ZNF536: variants seen among roughly 807,000 people sequenced by gnomAD.
The protein encoded by ZNF536 is zinc finger protein 536.
In ZNF536, 13 loss-of-function variants were observed where a neutral mutation model predicts 84.5. That is an observed-to-expected ratio of 0.15 (90% confidence interval 0.10 to 0.24). The LOEUF is 0.24. ZNF536 is among the 10% of genes least tolerant of loss of function. The pLI, the probability that ZNF536 is intolerant of heterozygous loss-of-function variation, is 1.00. For missense variants in ZNF536, 1,536 were observed against 1,747.5 expected, an observed-to-expected ratio of 0.88 and a Z score of 2.16; for synonymous variants, 811 against 742.5, an observed-to-expected ratio of 1.09 and a Z score of -1.50.
At chr19:30,648,449 C>G (rs547593609) in intron 1 of ZNF536, among the ~76,000 whole-genome samples, 2 of 152,182 alleles carry the variant, frequency 1.3e-5, no homozygotes, top group African/African-American at 4.8e-5. Flanking sequence ...AGCCTGGCCC[C>G]GATGGCTATC....
chr19:30,500,529 A>C, intron 2 of ZNF536, among the ~76,000 whole-genome samples: 1 of 150,682 alleles, frequency 6.6e-6, no homozygotes, highest in African/African-American at 2.4e-5. Flanking sequence ...CTGGTTCTAG[A>C]CTCTCAGCAG....
At chr19:30,507,441 A>G (rs1199828793) in intron 2 of ZNF536, among the ~76,000 whole-genome samples, 2 of 152,204 alleles carry the variant, frequency 1.3e-5, no homozygotes, top group East Asian at 3.8e-4. Context: ...GATTAAAAAG[A>G]ATGCACTTTA....
chr19:30,496,637 G>T (rs1020279343), intron 2 of ZNF536, among the ~76,000 whole-genome samples: 9 of 152,188 alleles, frequency 5.9e-5, no homozygotes, highest in Admixed American at 3.9e-4. Context: ...AGCAGAGGCA[G>T]TTGGGGGAAG....
chr19:30,459,503 A>G (rs2148406054), intron 2 of ZNF536, among the ~76,000 whole-genome samples: 1 of 151,868 alleles, frequency 6.6e-6, no homozygotes, highest in South Asian at 2.1e-4. Flanking sequence ...GGTGCATCCC[A>G]TCAAGCCTGG....
chr19:30,605,476 T>C (rs547643801), intron 1 of ZNF536, among the ~76,000 whole-genome samples: 3 of 152,354 alleles, frequency 2.0e-5, no homozygotes, highest in African/African-American at 7.2e-5. Context: ...CTTGAAATGA[T>C]GGCCTCTAGC....
chr19:30,611,037 C>T (rs2048087682), intron 1 of ZNF536, among the ~76,000 whole-genome samples: 1 of 152,152 alleles, frequency 6.6e-6, no homozygotes, highest in Admixed American at 6.5e-5. Context: ...TCTGGGCTTC[C>T]CTGCCATTTT....
chr19:30,399,037 T>G (rs1463039704), intron 1 of ZNF536, among the ~76,000 whole-genome samples: 6 of 152,214 alleles, frequency 3.9e-5, no homozygotes, highest in Non-Finnish European at 8.8e-5. Context: ...CCACCAACAG[T>G]GTAAAAGCAT....
chr19:30,617,717 T>A (rs1356720590), intron 1 of ZNF536, among the ~76,000 whole-genome samples: 1 of 152,092 alleles, frequency 6.6e-6, no homozygotes. Flanking sequence ...TGCCACACAA[T>A]TTTTTTAACC....
chr19:30,343,753 A>C (rs1226110954), intron 2 of ZNF536, among the ~76,000 whole-genome samples: 1 of 152,142 alleles, frequency 6.6e-6, no homozygotes, highest in Non-Finnish European at 1.5e-5. Context: ...TTTCGATGCG[A>C]AACACTAGGA....
At chr19:30,243,404 T>C (rs192423579) in intron 1 of ZNF536, among the ~76,000 whole-genome samples, 49 of 152,330 alleles carry the variant, frequency 3.2e-4, no homozygotes, top group African/African-American at 1.1e-3. Context: ...ATTATGAAAT[T>C]TGAACCAACA....
chr19:30,227,356 G>A (rs373878682), upstream of ZNF536, among the ~76,000 whole-genome samples: 12 of 152,296 alleles, frequency 7.9e-5, no homozygotes, highest in East Asian at 2.3e-3. Flanking sequence ...TGGAGGATTG[G>A]AATGTTGGGG....
At chr19:30,690,415 A>T (rs771276385) in intron 1 of ZNF536, among the ~76,000 whole-genome samples, 2 of 152,190 alleles carry the variant, frequency 1.3e-5, no homozygotes. Context: ...TTTGGTAAGG[A>T]AGCCTCATTT....
Position 30,549,440 on chromosome 19 carries a change from A to C in ZNF536, c.3821A>C (p.Asp1274Ala), listed in dbSNP as rs2146257239. The change falls in exon 4 of 5, where the codon GAT becomes GCT. Residue 1274 changes from aspartate to alanine, a missense_variant. By Grantham distance (126) the Asp-to-Ala change is moderately radical. Transcript: ENST00000355537. ...TCGGTCCTCAGGGCCTACAGTTCTG[A>C]TGGCTTAGCAGCCTTTAACGGACTT... Reference protein sequence around the residue: ...MLSVLRAYSSDGLAAFNGLAS... With the variant: ...MLSVLRAYSSAGLAAFNGLAS... 1 of 1,553,236 alleles carries C rather than the reference A, an allele frequency of 6.4e-7. No homozygotes were observed. The highest frequency in any genetic ancestry group is 8.7e-7 in the Non-Finnish European group (1 of 1,150,968).
rs2052173446 is a variant in ZNF536 at position 30,443,703 on chromosome 19, C to G, written c.141C>G (p.Phe47Leu). The change falls in exon 2 of 5, where the codon TTC becomes TTG. Residue 47 changes from phenylalanine to leucine, a missense_variant. Phe to Leu is a conservative substitution (Grantham distance 22). This residue lies in a region of ZNF536 where 161 missense variants were observed against 178.5 expected (regional missense o/e 0.90). Coordinates refer to ENST00000355537, the MANE Select transcript of ZNF536 (RefSeq NM_014717.3). ...HQITSQLSHA[F>L]PELHPRPNPE... The stretch of plus-strand genomic sequence containing the variant: ...TCACCTCCCAGCTCAGCCATGCCTT[C>G]CCCGAGCTCCATCCCCGGCCCAACC... 6.2e-7 allele frequency: 1 copy of G among 1,613,706 alleles called. No individual in the cohort carries two copies. The highest frequency in any genetic ancestry group is 1.1e-5 in the South Asian group (1 of 91,036).
rs555109170 is a variant in ZNF536 at position 30,411,182 on chromosome 19, G to A, written c.-2-32379G>A. ...TCCAAGTGGCATTGTTAGGTTGAACGGTATGCACATTTAAAATTTTCGTGG... is the reference window on the plus strand; with the variant it reads ...TCCAAGTGGCATTGTTAGGTTGAACAGTATGCACATTTAAAATTTTCGTGG... On this transcript the variant is annotated intron_variant, in intron 1 of 4. Coordinates refer to ENST00000355537, the MANE Select transcript of ZNF536 (RefSeq NM_014717.3). Among the ~76,000 whole-genome samples the A allele has an allele frequency of 3.3e-5, 5 of 152,198 alleles. 1 individual carries two copies. Among genetic ancestry groups the A allele is most frequent in the South Asian group, 4.1e-4 (2 of 4,826 alleles).
At position 30,632,488 on chromosome 19, in the gene ZNF536, C is replaced by T. The variant is rs190056756; in HGVS notation, c.170-78269C>T. 5.7e-3 allele frequency among the ~76,000 whole-genome samples: 864 copies of T among 152,266 alleles called. 3 individuals are homozygous for T. Among genetic ancestry groups the T allele is most frequent in the Non-Finnish European group, 9.6e-3 (650 of 68,022 alleles). ...AGGCATGGTGGCAGGCGCCTGTAATCCCAGCTACTCAGGAGGCTGAGGCAG... is the reference window on the plus strand; with the variant it reads ...AGGCATGGTGGCAGGCGCCTGTAATTCCAGCTACTCAGGAGGCTGAGGCAG... On this transcript the variant is annotated intron_variant, in intron 1 of 1. Coordinates refer to the ZNF536 transcript ENST00000592773.
chr19:30,592,431 G>T (rs914132063), intron 1 of ZNF536, among the ~76,000 whole-genome samples: 1 of 152,054 alleles, frequency 6.6e-6, no homozygotes, highest in Non-Finnish European at 1.5e-5. Context: ...CAGGCATGTG[G>T]GTGTCTGGAT....
chr19:30,559,380 A>G (rs1175617997), downstream of ZNF536, among the ~76,000 whole-genome samples: 1 of 152,256 alleles, frequency 6.6e-6, no homozygotes, highest in Non-Finnish European at 1.5e-5. Flanking sequence ...CTGCCAGTGT[A>G]TATAGGCCAA....
chr19:30,597,243 C>T (rs1352374607), intron 1 of ZNF536, among the ~76,000 whole-genome samples: 2 of 152,146 alleles, frequency 1.3e-5, no homozygotes, highest in Non-Finnish European at 2.9e-5. Flanking sequence ...TAGGTCTAGT[C>T]TAAATATATA....
Sources: allele counts gnomAD v4.1 joint callset (sites outside exome capture counted in the v4.1 genomes callset), GRCh38; gene constraint gnomAD v4.1.1; regional missense constraint gnomAD v4.1.1; transcripts MANE v1.5; gene names NCBI Gene and HGNC (gene_info 2026-07-23, HGNC 2026-07-21).